The following TLL1 variants were observed in gnomAD, a reference collection of about 807,000 sequenced individuals.
TLL1 encodes the protein tolloid like 1.
TLL1 carries 49 observed loss-of-function variants against 128.2 expected under a neutral mutation model. That is an observed-to-expected ratio of 0.38 (90% CI 0.30 to 0.48). The LOEUF (loss-of-function observed/expected upper bound fraction) is 0.48. Ranked by LOEUF, TLL1 falls within the 20% of genes least tolerant of loss-of-function variation. TLL1 has a pLI of 0.96. For synonymous variants in TLL1, 454 were observed against 418.8 expected (o/e 1.08, Z -1.03); for missense variants, 1,123 against 1,242.0 (o/e 0.90, Z 1.44).
chr4:166,033,182 G>A (rs775935745), intron 9 of TLL1, among the ~76,000 whole-genome samples: 4 of 152,100 alleles, frequency 2.6e-5, no homozygotes, highest in African/African-American at 4.8e-5. Context: ...TTTACAAAAT[G>A]TACCTGCGCT....
chr4:165,940,120 C>T (rs780964381), intron 1 of TLL1, among the ~76,000 whole-genome samples: 17 of 151,986 alleles, frequency 1.1e-4, no homozygotes, highest in Non-Finnish European at 1.3e-4. Context: ...ATTGACCTAA[C>T]TAAAATTCCA....
intron 18 of TLL1, among the ~76,000 whole-genome samples, chr4:166,089,477 A>G (rs1741665079): frequency 6.6e-6 from 1 of 152,126 alleles, no homozygotes; most frequent in South Asian, 2.1e-4. Context: ...ACTTATTCAG[A>G]ATCTTCTGCA....
At chr4:165,956,000 G>A (rs1387257286) in intron 1 of TLL1, among the ~76,000 whole-genome samples, 1 of 152,064 alleles carries the variant, frequency 6.6e-6, no homozygotes, top group African/African-American at 2.4e-5. Flanking sequence ...AAACCAGCAA[G>A]CTTTTTATTA....
chr4:165,905,656 A>G (rs968063408), intron 1 of TLL1, among the ~76,000 whole-genome samples: 3 of 152,140 alleles, frequency 2.0e-5, no homozygotes, highest in African/African-American at 7.2e-5. Context: ...TCCTCCCTGG[A>G]ATTACACACA....
chr4:166,042,269 A>G, intron 11 of TLL1, 126 bp downstream of exon 11: 3 of 681,458 alleles, frequency 4.4e-6, no homozygotes, highest in Non-Finnish European at 7.9e-6. Flanking sequence ...AATCTGTATT[A>G]TAATATTCAT....
Position 165,994,525 on chromosome 4 carries a change from A to C in TLL1, c.506A>C (p.Asn169Thr), listed in dbSNP as rs1736779654. 1.2e-6 allele frequency: 2 copies of C among 1,613,882 alleles called. No individual in the cohort carries two copies. The highest frequency in any genetic ancestry group is 1.7e-6 in the Non-Finnish European group (2 of 1,179,908). ...GGVIPYVIGG[N>T]FTGSQRAMFK... ...GTTATTCCTTATGTTATAGGAGGAA[A>C]CTTCACTGGTAAGATACTCCCAGCA... The change falls in exon 4 of 21, where the codon AAC becomes ACC. Residue 169 changes from asparagine to threonine, a missense_variant. Around this residue, in one of 3 missense-constraint regions of TLL1, gnomAD observed 480 missense variants for 542.4 expected, o/e 0.89. Transcript: ENST00000061240.
At chr4:166,058,174 T>C (rs1467457431) in intron 14 of TLL1, among the ~76,000 whole-genome samples, 1 of 152,034 alleles carries the variant, frequency 6.6e-6, no homozygotes, top group African/African-American at 2.4e-5. Flanking sequence ...CAGGCCACCA[T>C]GTATATGTAT....
At chr4:165,977,022 C>T (rs1735915814) in intron 1 of TLL1, among the ~76,000 whole-genome samples, 1 of 151,926 alleles carries the variant, frequency 6.6e-6, no homozygotes, top group Admixed American at 6.6e-5. Flanking sequence ...GATTGGATAC[C>T]CCTGAATGAA....
intron 1 of TLL1, among the ~76,000 whole-genome samples, chr4:165,883,075 T>C (rs1414457569): frequency 6.6e-6 from 1 of 152,278 alleles, no homozygotes; most frequent in African/African-American, 2.4e-5. Flanking sequence ...ATAGTTGTAG[T>C]AAGAACAGAT....
At chr4:165,908,062 A>C (rs998345877) in intron 1 of TLL1, among the ~76,000 whole-genome samples, 1 of 152,238 alleles carries the variant, frequency 6.6e-6, no homozygotes, top group Admixed American at 6.5e-5. Flanking sequence ...GATTACAATG[A>C]ATACTAAATA....
intron 5 of TLL1, among the ~76,000 whole-genome samples, chr4:165,999,543 T>G (rs1205788049): frequency 6.6e-6 from 1 of 151,972 alleles, no homozygotes. Flanking sequence ...TCCCACCAGC[T>G]CGGTCCCTCG....
intron 7 of TLL1, among the ~76,000 whole-genome samples, chr4:166,009,027 T>G (rs1737562014): frequency 6.6e-6 from 1 of 151,588 alleles, no homozygotes; most frequent in Non-Finnish European, 1.5e-5. Flanking sequence ...AAATTTGTGT[T>G]AACTGTATTT....
chr4:166,020,234 C>T (rs1389725567), intron 8 of TLL1, among the ~76,000 whole-genome samples: 1 of 152,154 alleles, frequency 6.6e-6, no homozygotes, highest in Non-Finnish European at 1.5e-5. Flanking sequence ...AATCCTTTGT[C>T]TTTATGATGG....
intron 1 of TLL1, among the ~76,000 whole-genome samples, chr4:165,987,830 C>T (rs1473206338): frequency 6.6e-6 from 1 of 151,950 alleles, no homozygotes; most frequent in African/African-American, 2.4e-5. Context: ...TCATAAATAA[C>T]TAATTCTCTA....
intron 1 of TLL1, among the ~76,000 whole-genome samples, chr4:165,974,628 T>C (rs1579568577): frequency 6.6e-6 from 1 of 152,238 alleles, no homozygotes; most frequent in African/African-American, 2.4e-5. Flanking sequence ...TTAGAGTTAC[T>C]ATTTTCCCTG....
At chr4:165,888,687 A>G (rs1228750674) in intron 1 of TLL1, among the ~76,000 whole-genome samples, 1 of 152,064 alleles carries the variant, frequency 6.6e-6, no homozygotes, top group Non-Finnish European at 1.5e-5. Context: ...GTTCTTGCTT[A>G]TGTGGTCTCA....
intron 13 of TLL1, among the ~76,000 whole-genome samples, chr4:166,055,863 A>G (rs1205654625): frequency 6.6e-6 from 1 of 152,170 alleles, no homozygotes; most frequent in Non-Finnish European, 1.5e-5. Context: ...AACATCACAT[A>G]TGCATTTAGG....
In TLL1 at chr4:166,100,989, A is replaced by C; in HGVS notation, c.*113A>C. ...TTTTATACAAAGAGTTTGAACAAAA[A>C]ATCCCTGTAAGACCAGAATTATCTT... On this transcript the variant is annotated 3_prime_UTR_variant, in exon 21 of 21. Coordinates refer to ENST00000061240, the MANE Select transcript of TLL1 (RefSeq NM_012464.5). 12 of 1,371,502 alleles carry C rather than the reference A, an allele frequency of 8.7e-6. No individual in the cohort carries two copies. Among genetic ancestry groups the C allele is most frequent in the Non-Finnish European group, 1.1e-5 (11 of 998,098 alleles). 85.0% of individuals were successfully genotyped at this position (1,371,502 alleles called of 1,614,324 possible). A position where few individuals can be genotyped will look rare whatever the true frequency, so the allele number is the denominator to read the frequency against.
rs550704422 is a variant in TLL1, at chr4:166,014,518, A to G, written c.1000A>G (p.Lys334Glu). The G allele has an allele frequency of 2.5e-6, 4 of 1,612,454 alleles. No individual in the cohort carries two copies. Among genetic ancestry groups the G allele is most frequent in the Non-Finnish European group, 3.4e-6 (4 of 1,178,804 alleles). Residue 334 changes from lysine to glutamate, a missense_variant, in exon 8 of 21, where the codon AAA (lysine) becomes GAA (glutamate). Around this residue, in one of 3 missense-constraint regions of TLL1, gnomAD observed 480 missense variants for 542.4 expected, o/e 0.89. Coordinates refer to ENST00000061240, the MANE Select transcript of TLL1 (RefSeq NM_012464.5). ...AATTGGTCAGCGAACCCGTCTAAGC[A>G]AAGGAGATATCGCACAGGCAAGAAA... Reference protein sequence around the residue: ...PAIGQRTRLSKGDIAQARKLY... With the variant: ...PAIGQRTRLSEGDIAQARKLY...
Sources: gnomAD v4.1 joint callset for allele counts (sites outside exome capture counted in the v4.1 genomes callset) on GRCh38, gnomAD v4.1.1 for gene constraint, gnomAD v4.1.1 regional missense constraint, MANE v1.5 for transcripts, NCBI Gene and HGNC (gene_info 2026-07-23, HGNC 2026-07-21) for gene names.